The following FSCN2 variants were observed in gnomAD, a reference collection of about 807,000 sequenced individuals.
FSCN2 encodes fascin actin-bundling protein 2, retinal, also known as fascin-2.
A neutral mutation model predicts 37.8 loss-of-function variants in FSCN2; 46 were observed. That is an observed-to-expected ratio of 1.22 (90% confidence interval 0.96 to 1.56). The LOEUF (loss-of-function observed/expected upper bound fraction) is 1.56. Among genes scored for constraint, FSCN2 ranks in the 40% most tolerant of loss-of-function variants. The probability of loss-of-function intolerance (pLI) is 0.00; values close to 1 mark genes in which losing one functional copy is unlikely to be tolerated. For missense variants in FSCN2, 844 were observed against 730.4 expected (o/e 1.16, Z -1.79); for synonymous variants, 351 against 309.4 (o/e 1.13, Z -1.41).
At chr17:81,525,907 G>A (rs997563862), upstream of FSCN2, among the ~76,000 whole-genome samples, 3 of 152,170 alleles carry the variant, frequency 2.0e-5, no homozygotes, top group African/African-American at 4.8e-5. Context: ...CCCTGTAAAC[G>A]GCCTCCCTCC....
At chr17:81,515,681 G>C in the FSCN2 span, among the ~76,000 whole-genome samples, 1 of 152,142 alleles carries the variant, frequency 6.6e-6, no homozygotes, top group Non-Finnish European at 1.5e-5. Flanking sequence ...ATCAGCCCCC[G>C]GACTCTGGGT....
chr17:81,531,354 G>GTGGTGGTGGTGGTGGTGA (rs2032569996), intron 1 of FSCN2, among the ~76,000 whole-genome samples: 2 of 124,306 alleles, frequency 1.6e-5, no homozygotes, highest in African/African-American at 6.7e-5. Flanking sequence ...GGTGATGATG[G>GTGGTGGTGGTGGTGGTGA]TGATGGTGAT....
intron 1 of FSCN2, among the ~76,000 whole-genome samples, chr17:81,531,573 ATGG>A (rs1203838544): frequency 6.2e-5 from 7 of 113,216 alleles, no homozygotes; most frequent in Admixed American, 5.3e-4. Flanking sequence ...GATGATAGTG[ATGG>A]TGATGATGGT....
At chr17:81,523,437 A>G (rs1364520592), upstream of FSCN2, among the ~76,000 whole-genome samples, 3 of 152,344 alleles carry the variant, frequency 2.0e-5, no homozygotes, top group Middle Eastern at 0.01. Flanking sequence ...CTCAGCCATG[A>G]AAAAATCATG....
At chr17:81,525,740 T>C (rs3934978), upstream of FSCN2, among the ~76,000 whole-genome samples, 58,665 of 151,802 alleles carry the variant, frequency 0.39, 11,810 homozygotes, top group African/African-American at 0.46. Context: ...AATAAAATAA[T>C]TAATAATAAC....
chr17:81,533,197 C>G (rs145029034), intron 1 of FSCN2, among the ~76,000 whole-genome samples: 212 of 152,318 alleles, frequency 1.4e-3, no homozygotes, highest in African/African-American at 4.6e-3. Context: ...TCTCTTCCCC[C>G]CTGGGAGGGG....
chr17:81,530,527 G>C (rs1246722066), intron 1 of FSCN2: 1 of 457,764 alleles, frequency 2.2e-6, no homozygotes, highest in African/African-American at 2.0e-5. Flanking sequence ...GAGGTGGTCT[G>C]AAAAGGCGAG....
At chr17:81,531,850 T>TGATGGTGGTGATGGC (rs2032644247) in intron 1 of FSCN2, among the ~76,000 whole-genome samples, 1 of 126,246 alleles carries the variant, frequency 7.9e-6, no homozygotes, top group Non-Finnish European at 1.6e-5. Flanking sequence ...GTGGTGATGG[T>TGATGGTGGTGATGGC]GATGGTGGTG....
chr17:81,536,813 C>G (rs747131865), intron 4 of FSCN2, 24 bp downstream of exon 4: 5 of 1,558,342 alleles, frequency 3.2e-6, no homozygotes, highest in East Asian at 4.7e-5. Flanking sequence ...CGGGTGGGCA[C>G]GCGGGAGCGG....
chr17:81,523,132 C>A, the FSCN2 span, among the ~76,000 whole-genome samples: 1 of 152,224 alleles, frequency 6.6e-6, no homozygotes, highest in Admixed American at 6.5e-5. Flanking sequence ...ACTGTGTGGG[C>A]TGTCTGCCCT....
chr17:81,536,675 C>G lies in FSCN2; in HGVS notation c.1159C>G (p.Arg387Gly). 1 of 1,611,166 alleles carries G rather than the reference C, an allele frequency of 6.2e-7. No homozygotes were observed. Among genetic ancestry groups the G allele is most frequent in the Non-Finnish European group, 8.5e-7 (1 of 1,179,544 alleles). ...CATCAACCGGCCCATCCTGGTGCTG[C>G]GCGGCCTGGACGGCTTCGTCTGCCA... ...KLINRPILVL[R>G]GLDGFVCHHR... The change falls in exon 4 of 5, where the codon CGC (arginine) becomes GGC (glycine). Residue 387 changes from arginine (R) to glycine (G), a missense_variant. Coordinates refer to ENST00000417245, the MANE Select transcript of FSCN2 (RefSeq NM_012418.4).
the FSCN2 span, among the ~76,000 whole-genome samples, chr17:81,515,976 C>G: frequency 1.3e-5 from 2 of 152,286 alleles, no homozygotes; most frequent in Non-Finnish European, 2.9e-5. Flanking sequence ...TCCCGAGTAG[C>G]TGAGACTACA....
intron 3 of FSCN2, 137 bp downstream of exon 3, chr17:81,536,404 G>A: frequency 7.0e-7 from 1 of 1,431,266 alleles, no homozygotes; most frequent in Non-Finnish European, 9.4e-7. Flanking sequence ...AGTCATACTT[G>A]CTAGTCAAGA....
intron 1 of FSCN2, chr17:81,530,586 C>A (rs1555671106): frequency 1.9e-6 from 1 of 515,028 alleles, no homozygotes; most frequent in East Asian, 5.6e-5. Flanking sequence ...TCAGGTCCTT[C>A]CAGACCAGCA....
At chr17:81,531,602 GATA>G (rs1176066712) in intron 1 of FSCN2, among the ~76,000 whole-genome samples, 16 of 138,278 alleles carry the variant, frequency 1.2e-4, no homozygotes, top group Non-Finnish European at 2.5e-4. Flanking sequence ...TGATAGTGAT[GATA>G]ATGGTGATGA....
At chr17:81,519,215 A>C in the FSCN2 span, 72 of 152,450 alleles carry the variant, frequency 4.7e-4, no homozygotes, top group African/African-American at 1.6e-3. Flanking sequence ...TGCAGCTCCC[A>C]GCCCGCCGGC....
Position 81,537,094 on chromosome 17 carries a change from C to G in FSCN2, c.*14C>G, listed in dbSNP as rs969770239. 1.4e-6 allele frequency: 2 copies of G among 1,412,186 alleles called. No individual in the cohort carries two copies. Among genetic ancestry groups the G allele is most frequent in the Non-Finnish European group, 1.8e-6 (2 of 1,089,164 alleles). 87.5% of individuals were successfully genotyped at this position (1,412,186 alleles called of 1,614,324 possible). A position where few individuals can be genotyped will look rare whatever the true frequency, so the allele number is the denominator to read the frequency against. On this transcript the variant is annotated 3_prime_UTR_variant, in exon 5 of 5. Transcript: ENST00000417245. ...TGGGAGTACTGAGGCCGCGCCCAGA[C>G]CAGCCTGTCGCGCATTAAAACCGTG...
At chr17:81,527,605 C>T (rs2032388066), upstream of FSCN2, 1 of 152,582 alleles carries the variant, frequency 6.6e-6, no homozygotes, top group East Asian at 1.9e-4. Flanking sequence ...TGGACATCGT[C>T]CCACCAGCCT....
the FSCN2 span, chr17:81,518,981 C>G: frequency 6.6e-6 from 1 of 152,232 alleles, no homozygotes; most frequent in African/African-American, 2.4e-5. Flanking sequence ...GCCATCCTTC[C>G]CCAGCGCGCC....
Sources: allele counts gnomAD v4.1 joint callset (sites outside exome capture counted in the v4.1 genomes callset), GRCh38; gene constraint gnomAD v4.1.1; transcripts MANE v1.5; gene names NCBI Gene and HGNC (gene_info 2026-07-23, HGNC 2026-07-21).